SDCBP2: variants seen among roughly 807,000 people sequenced by gnomAD.
SDCBP2 encodes syntenin-2.
A neutral mutation model predicts 30.7 loss-of-function variants in SDCBP2; 28 were observed. That is an observed-to-expected ratio of 0.91 (90% CI 0.68 to 1.25). SDCBP2 has a LOEUF of 1.25. SDCBP2 is among the 50% of genes most tolerant of loss of function. SDCBP2 has a pLI of 0.00. For missense variants in SDCBP2, 399 were observed against 379.0 expected, an observed-to-expected ratio of 1.05 and a Z score of -0.44; for synonymous variants, 166 against 157.3, an observed-to-expected ratio of 1.06 and a Z score of -0.41.
Position 1,313,340 on chromosome 20 carries a change from C to G in SDCBP2, c.384G>C (p.Gln128His), listed in dbSNP as rs889233114. The G allele has an allele frequency of 6.2e-7, 1 of 1,610,900 alleles. No individual in the cohort carries two copies. Among genetic ancestry groups the G allele is most frequent in the African/African-American group, 1.3e-5 (1 of 74,912 alleles). ...TTCCCACCCAGCCCCCGCGCCCTAC[C>G]TGGTCGACCTTCCGCAGCCTCAGCC... ...KTGLRLRKVD[Q>H]GLFVQLVQAN... Residue 128 changes from glutamine to histidine, a missense_variant and splice_region_variant, in exon 5 of 9, where the codon CAG becomes CAC. Gln to His is a conservative substitution (Grantham distance 24). Coordinates refer to ENST00000360779, the MANE Select transcript of SDCBP2 (RefSeq NM_080489.5). This position sits in a 1 kb window ranked among gnomAD's most constrained non-coding sequence, Gnocchi z 5.2.
rs2088833418 is a variant in SDCBP2, at chr20:1,320,208, CT to C, written c.54+154del. ...GCTGTAACGCCATTGGCATTGCCCC[CT>C]GGATGTCTTCTCTGCCCAGCAGGCC... On this transcript the variant is annotated intron_variant, in intron 2 of 8. Transcript: ENST00000360779. The surrounding 1 kb of genome is among the most constrained non-coding windows in gnomAD (Gnocchi z 4.7). 6.6e-6 allele frequency among the ~76,000 whole-genome samples: 1 copy of C among 152,232 alleles called. No homozygotes were observed. The highest frequency in any genetic ancestry group is 2.4e-5 in the African/African-American group (1 of 41,450).
chr20:1,313,529 CG>C lies in SDCBP2; in HGVS notation c.226-32del, dbSNP rs1042008865. On this transcript the variant is annotated intron_variant, in intron 4 of 8. Coordinates refer to ENST00000360779, the MANE Select transcript of SDCBP2 (RefSeq NM_080489.5). This position sits in a 1 kb window ranked among gnomAD's most constrained non-coding sequence, Gnocchi z 5.2. The stretch of plus-strand genomic sequence containing the variant: ...GACACCAGGGGGCAGGGGGTCAGCC[CG>C]GCCCGTGGGGACCCTGTGCCTCAGG... The C allele has an allele frequency of 2.6e-6, 4 of 1,546,330 alleles. No individual in the cohort carries two copies. Among genetic ancestry groups the C allele is most frequent in the Non-Finnish European group, 3.5e-6 (4 of 1,150,658 alleles).
At chr20:1,310,663 A>C in intron 8 of SDCBP2, 137 bp downstream of exon 8, 5 of 1,014,454 alleles carry the variant, frequency 4.9e-6, no homozygotes, top group Non-Finnish European at 7.5e-6. Flanking sequence ...GGAAGGGAGG[A>C]TAGAGCTGGC....
intron 3 of SDCBP2, 132 bp downstream of exon 3, chr20:1,319,458 G>T (rs1009023293): frequency 1.0e-4 from 99 of 985,100 alleles, no homozygotes; most frequent in Non-Finnish European, 1.4e-4. Context: ...CTGGAAGCCT[G>T]GTCCTCTCTT....
chr20:1,318,434 G>A lies in SDCBP2; in HGVS notation c.125-16C>T, dbSNP rs767548059. ...GGGTACAAAACTGATAGGGAAAGAAGGAAGAATAAATGTGTCATTAGAGGA... is the reference window on the plus strand; with the variant it reads ...GGGTACAAAACTGATAGGGAAAGAAAGAAGAATAAATGTGTCATTAGAGGA... On this transcript the variant is annotated splice_polypyrimidine_tract_variant and intron_variant, in intron 3 of 8. Transcript: ENST00000360779. 14 of 1,525,646 alleles carry A rather than the reference G, an allele frequency of 9.2e-6. No individual in the cohort carries two copies. Among genetic ancestry groups the A allele is most frequent in the African/African-American group, 4.1e-5 (3 of 72,498 alleles). 94.5% of individuals were successfully genotyped at this position (1,525,646 alleles called of 1,614,324 possible). A position where few individuals can be genotyped will look rare whatever the true frequency, so the allele number is the denominator to read the frequency against.
At chr20:1,317,641 C>T (rs144311177) in intron 4 of SDCBP2, 453 of 161,352 alleles carry the variant, frequency 2.8e-3, no homozygotes, top group Non-Finnish European at 5.2e-3. Context: ...GTCAGATCCT[C>T]GTTTTGGCAG....
intron 3 of SDCBP2, among the ~76,000 whole-genome samples, chr20:1,319,340 CA>C (rs774934760): frequency 2.6e-5 from 4 of 152,140 alleles, no homozygotes; most frequent in Admixed American, 2.0e-4. Context: ...GAAGGATAAA[CA>C]GGGGTTCACC....
In SDCBP2 at chr20:1,318,806, C is replaced by T. The variant is rs149929890; in HGVS notation, c.125-388G>A. Among the ~76,000 whole-genome samples the T allele has an allele frequency of 1.5e-3, 223 of 152,240 alleles. 2 individuals are homozygous for T. The highest frequency in any genetic ancestry group is 3.4e-3 in the Admixed American group (52 of 15,284). On this transcript the variant is annotated intron_variant, in intron 3 of 8. Coordinates refer to ENST00000360779, the MANE Select transcript of SDCBP2 (RefSeq NM_080489.5). Reference sequence around the variant, plus strand: ...ATGCGCTCTCATGCTGTATCTCTCTCGTGTTCTCGTTTTCTCTCTCTCTTT... The same window carrying T: ...ATGCGCTCTCATGCTGTATCTCTCTTGTGTTCTCGTTTTCTCTCTCTCTTT...
Position 1,313,525 on chromosome 20 carries a change from AGCCCGGCCCGTGGGGACCCTGT to A in SDCBP2, c.226-49_226-28del. The stretch of plus-strand genomic sequence containing the variant: ...TGCAGACACCAGGGGGCAGGGGGTC[AGCCCGGCCCGTGGGGACCCTGT>A]GCCTCAGGAGACACTGGGGTGGGGG... On this transcript the variant is annotated intron_variant, in intron 4 of 8. Coordinates refer to ENST00000360779, the MANE Select transcript of SDCBP2 (RefSeq NM_080489.5). The surrounding 1 kb of genome is among the most constrained non-coding windows in gnomAD (Gnocchi z 5.2). 1.9e-6 allele frequency: 3 copies of A among 1,552,878 alleles called. No homozygotes were observed. The highest frequency in any genetic ancestry group is 2.6e-6 in the Non-Finnish European group (3 of 1,153,718).
chr20:1,312,798 G>C (rs772077325), intron 5 of SDCBP2, 36 bp from the exon 6 acceptor site: 1 of 1,578,316 alleles, frequency 6.3e-7, no homozygotes, highest in South Asian at 1.1e-5. Context: ...AGTGTCCCTG[G>C]CCCACCCTAG....
Position 1,324,571 on chromosome 20 carries a change from T to C in SDCBP2, c.-19-4136A>G, listed in dbSNP as rs1366127887. 1.3e-5 allele frequency among the ~76,000 whole-genome samples: 2 copies of C among 152,226 alleles called. No homozygotes were observed. The highest frequency in any genetic ancestry group is 4.8e-5 in the African/African-American group (2 of 41,456). On this transcript the variant is annotated intron_variant, in intron 1 of 8. Coordinates refer to ENST00000360779, the MANE Select transcript of SDCBP2 (RefSeq NM_080489.5). This position sits in a 1 kb window ranked among gnomAD's most constrained non-coding sequence, Gnocchi z 4.7. ...TTTCAAGTAAGCCAAAAATCCGTTA[T>C]AATTGGTTGTACATACAATCACAAT...
Position 1,320,452 on chromosome 20 carries a change from G to C in SDCBP2, c.-19-17C>G. On this transcript the variant is annotated splice_polypyrimidine_tract_variant and intron_variant, in intron 1 of 8. Transcript: ENST00000360779. The surrounding 1 kb of genome is among the most constrained non-coding windows in gnomAD (Gnocchi z 4.7). The stretch of plus-strand genomic sequence containing the variant: ...CAGAACACCCTGCAGAGTGCAGAGG[G>C]TGGGGAAGGATAAGGATGCAGCTGA... 1 of 1,597,484 alleles carries C rather than the reference G, an allele frequency of 6.3e-7. No homozygotes were observed. Among genetic ancestry groups the C allele is most frequent in the African/African-American group, 1.3e-5 (1 of 74,588 alleles).
chr20:1,318,085 C>G (rs1411296582), intron 4 of SDCBP2: 1 of 567,168 alleles, frequency 1.8e-6, no homozygotes, highest in East Asian at 3.9e-5. Context: ...AAAGGGCAAG[C>G]CCTGGTTCTC....
At chr20:1,315,016 T>C (rs1035464410) in intron 4 of SDCBP2, among the ~76,000 whole-genome samples, 2 of 152,202 alleles carry the variant, frequency 1.3e-5, no homozygotes, top group African/African-American at 2.4e-5. Flanking sequence ...CTAAACTTTA[T>C]ATGAAAAGAC....
chr20:1,314,615 G>A (rs1401467786), intron 4 of SDCBP2, among the ~76,000 whole-genome samples: 2 of 129,326 alleles, frequency 1.5e-5, no homozygotes, highest in East Asian at 2.4e-4. Flanking sequence ...AAAAGAGGCC[G>A]AGCTCAGTGG....
intron 4 of SDCBP2, chr20:1,317,437 G>C (rs576969535): frequency 6.6e-6 from 1 of 152,088 alleles, no homozygotes; most frequent in Non-Finnish European, 1.5e-5. Flanking sequence ...TCAAAATTAC[G>C]GTTGAATGCA....
chr20:1,316,482 T>C (rs1379117310), intron 4 of SDCBP2, among the ~76,000 whole-genome samples: 1 of 152,166 alleles, frequency 6.6e-6, no homozygotes, highest in East Asian at 1.9e-4. Flanking sequence ...TTCCACCTCC[T>C]GGGCTCAAGC....
intron 1 of SDCBP2, chr20:1,322,505 A>C (rs1027403590): frequency 6.6e-6 from 1 of 152,232 alleles, no homozygotes; most frequent in Non-Finnish European, 1.5e-5. Flanking sequence ...TAGTATCCTA[A>C]GAACACCCAC....
intron 8 of SDCBP2, 122 bp from the exon 9 acceptor site, chr20:1,310,617 G>A (rs1011989532): frequency 1.0e-5 from 11 of 1,072,454 alleles, no homozygotes; most frequent in South Asian, 4.6e-5. Flanking sequence ...TAAGACTTTC[G>A]AATCACCAGA....
Sources: gnomAD v4.1 joint callset for allele counts (sites outside exome capture counted in the v4.1 genomes callset) on GRCh38, gnomAD v4.1.1 for gene constraint, Gnocchi (gnomAD v3.1) non-coding constraint, MANE v1.5 for transcripts, NCBI Gene and HGNC (gene_info 2026-07-23, HGNC 2026-07-21) for gene names.